The following CTSC variants were observed in gnomAD, a reference collection of about 807,000 sequenced individuals.
CTSC encodes the protein dipeptidyl peptidase 1.
A neutral mutation model predicts 40.9 loss-of-function variants in CTSC; 37 were observed. The observed-to-expected ratio is 0.91, with a 90% CI of 0.70 to 1.19. CTSC has a LOEUF of 1.19. Among genes scored for constraint, CTSC ranks in the 50% most tolerant of loss-of-function variants. The pLI, the probability that CTSC is intolerant of heterozygous loss-of-function variation, is 0.00. For missense variants in CTSC, 594 were observed against 567.3 expected (o/e 1.05, Z -0.48); for synonymous variants, 232 against 207.4 (o/e 1.12, Z -1.02).
intron 1 of CTSC, among the ~76,000 whole-genome samples, chr11:88,336,985 G>A (rs1938512956): frequency 2.0e-5 from 3 of 151,912 alleles, no homozygotes; most frequent in African/African-American, 7.3e-5. Context: ...AATGCAGAGT[G>A]GTACTAGCCG....
At chr11:88,309,386 C>G (rs1303237974) in intron 3 of CTSC, 68 bp from the exon 4 acceptor site, 7 of 1,330,670 alleles carry the variant, frequency 5.3e-6, no homozygotes, top group Non-Finnish European at 6.5e-6. Flanking sequence ...TTAAAACAGG[C>G]ATTCACACTC....
intron 4 of CTSC, among the ~76,000 whole-genome samples, chr11:88,304,811 T>C (rs1348807155): frequency 1.3e-5 from 2 of 152,194 alleles, no homozygotes; most frequent in Non-Finnish European, 1.5e-5. Flanking sequence ...AAGAATGCCA[T>C]GACAGGCCAG....
intron 2 of CTSC, chr11:88,334,589 T>A (rs1938441734): frequency 3.8e-6 from 1 of 262,958 alleles, no homozygotes; most frequent in Admixed American, 5.2e-5. Flanking sequence ...AATCTCTCTA[T>A]CTTTCCTACA....
At position 88,326,078 on chromosome 11, in the gene CTSC, GAAC is replaced by G. The variant is rs1158307343; in HGVS notation, c.318+8856_318+8858del. 6.8e-6 allele frequency: 8 copies of G among 1,172,386 alleles called. No individual in the cohort carries two copies. The East Asian group carries it at 2.4e-4, about 35-fold the overall frequency. 72.6% of individuals were successfully genotyped at this position (1,172,386 alleles called of 1,614,324 possible). A position where few individuals can be genotyped will look rare whatever the true frequency, so the allele number is the denominator to read the frequency against. ...TAGAAGGGATTTCAAAAGAGAAAAA[GAAC>G]AACGTGTTGTATATTGTTCCTTTTA... On this transcript the variant is annotated intron_variant, in intron 2 of 6. Coordinates refer to ENST00000227266, the MANE Select transcript of CTSC (RefSeq NM_001814.6).
chr11:88,332,751 T>G (rs1430280831), intron 2 of CTSC, among the ~76,000 whole-genome samples: 1 of 152,248 alleles, frequency 6.6e-6, no homozygotes, highest in African/African-American at 2.4e-5. Flanking sequence ...ATAATGGTTT[T>G]GTCAAATGGG....
intron 2 of CTSC, chr11:88,325,867 A>G (rs1938168726): frequency 2.0e-6 from 2 of 987,358 alleles, no homozygotes. Context: ...AATAACTTAT[A>G]TCTGTGAATC....
At chr11:88,297,573 ATC>A (rs1944312418) in intron 5 of CTSC, 1 of 152,180 alleles carries the variant, frequency 6.6e-6, no homozygotes, top group African/African-American at 2.4e-5. Flanking sequence ...CATGGAAATA[ATC>A]TCTCTCAGTA....
chr11:88,301,464 T>C (rs777920697), intron 4 of CTSC, among the ~76,000 whole-genome samples: 2 of 151,970 alleles, frequency 1.3e-5, no homozygotes, highest in Non-Finnish European at 2.9e-5. Context: ...TCCTGTGGAG[T>C]GTGCTTTCAT....
chr11:88,311,272 C>G (rs1937749719), intron 3 of CTSC, among the ~76,000 whole-genome samples: 1 of 152,106 alleles, frequency 6.6e-6, no homozygotes. Context: ...GCTCTAGGAT[C>G]AAGCCAAACA....
intron 2 of CTSC, among the ~76,000 whole-genome samples, chr11:88,329,003 A>G (rs1287566021): frequency 6.6e-6 from 1 of 152,284 alleles, no homozygotes; most frequent in East Asian, 1.9e-4. Flanking sequence ...AAGCCCTAAG[A>G]TTTGCTTCAC....
chr11:88,300,515 G>A lies in CTSC; in HGVS notation c.757+15C>T, dbSNP rs373557576. 27 of 1,480,454 alleles carry A rather than the reference G, an allele frequency of 1.8e-5. No homozygotes were observed. In the African/African-American group the frequency reaches 3.7e-4, roughly 20 times the overall value. 91.7% of individuals were successfully genotyped at this position (1,480,454 alleles called of 1,614,324 possible). A position where few individuals can be genotyped will look rare whatever the true frequency, so the allele number is the denominator to read the frequency against. Reference sequence around the variant, plus strand: ...TCCAAACAAATTAACAAAAAACTTAGGCTTATTTTTTTACCTTGGTTTCGA... The same window carrying A: ...TCCAAACAAATTAACAAAAAACTTAAGCTTATTTTTTTACCTTGGTTTCGA... On this transcript the variant is annotated intron_variant, in intron 5 of 6. Transcript: ENST00000227266.
chr11:88,334,304 A>G (rs1335649233), intron 2 of CTSC, among the ~76,000 whole-genome samples: 1 of 152,208 alleles, frequency 6.6e-6, no homozygotes, highest in East Asian at 1.9e-4. Flanking sequence ...TTTAACCCTG[A>G]GTATGTTTGC....
rs368719590 is a variant in CTSC, at chr11:88,302,595, C to T, written c.642-1950G>A. Among the ~76,000 whole-genome samples the T allele has an allele frequency of 2.0e-4, 28 of 139,988 alleles. No homozygotes were observed. In the Middle Eastern group the frequency reaches 0.012, roughly 60 times the overall value. The allele number at this position is 139,988 out of a possible 152,430, so 91.8% of individuals were successfully genotyped here. On this transcript the variant is annotated intron_variant, in intron 4 of 6. Coordinates refer to ENST00000227266, the MANE Select transcript of CTSC (RefSeq NM_001814.6). ...GAGCCGAGATTGCACCACTGCACTC[C>T]AGCCCGGGTGACAGAGCAAGACTCC...
At chr11:88,325,482 T>A in intron 2 of CTSC, 1 of 985,432 alleles carries the variant, frequency 1.0e-6, no homozygotes, top group Non-Finnish European at 1.2e-6. Flanking sequence ...ATTTACTTAT[T>A]TGTGAAATGG....
chr11:88,304,083 A>G (rs1226446332), intron 4 of CTSC, among the ~76,000 whole-genome samples: 3 of 152,132 alleles, frequency 2.0e-5, no homozygotes, highest in African/African-American at 7.2e-5. Flanking sequence ...AGAATATACT[A>G]ATATAAAGGA....
chr11:88,337,620 C>G lies in CTSC; in HGVS notation c.53G>C (p.Gly18Ala). ...LLAALLLLLS[G>A]DGAVRCDTPA... is the part of the protein sequence containing the mutation. ...TGTGTCGCAGCGCACGGCGCCGTCG[C>G]CGGAGAGAAGCAGCAGGAGGGCGGC... is the stretch of plus-strand genomic sequence containing the variant. The change falls in exon 1 of 7, where the codon GGC becomes GCC. Residue 18 changes from glycine (G) to alanine (A), a missense_variant. Physicochemically the swap from Gly to Ala is moderately conservative, Grantham distance 60. Transcript: ENST00000227266. The G allele has an allele frequency of 1.9e-6, 3 of 1,582,996 alleles. No individual in the cohort carries two copies. Among genetic ancestry groups the G allele is most frequent in the Non-Finnish European group, 2.6e-6 (3 of 1,164,018 alleles).
rs1938256978 is a variant in CTSC, at chr11:88,328,569, G to A, written c.318+6368C>T. On this transcript the variant is annotated intron_variant, in intron 2 of 6. Coordinates refer to ENST00000227266, the MANE Select transcript of CTSC (RefSeq NM_001814.6). ...TAAGCTTGAAATTTATTAATCACTA[G>A]CACACAAAGTGAGAAATTAAACCCT... is the stretch of plus-strand genomic sequence containing the variant. 2.6e-5 allele frequency among the ~76,000 whole-genome samples: 4 copies of A among 152,126 alleles called. No homozygotes were observed. The South Asian group carries it at 6.2e-4, about 24-fold the overall frequency.
intron 2 of CTSC, chr11:88,320,902 GT>G (rs1191220380): frequency 8.8e-6 from 8 of 908,000 alleles, no homozygotes; most frequent in Non-Finnish European, 9.2e-6. Context: ...CAAATGGTTA[GT>G]AAGATGGAGT....
intron 2 of CTSC, among the ~76,000 whole-genome samples, chr11:88,330,626 GT>G (rs1938325774): frequency 1.3e-5 from 2 of 152,070 alleles, no homozygotes; most frequent in African/African-American, 4.8e-5. Context: ...GGGATTACAG[GT>G]ATGAGTCACC....
Sources: allele counts gnomAD v4.1 joint callset (sites outside exome capture counted in the v4.1 genomes callset), GRCh38; gene constraint gnomAD v4.1.1; transcripts MANE v1.5; gene names NCBI Gene and HGNC (gene_info 2026-07-23, HGNC 2026-07-21).